Variants in TENM3 observed in about 807,000 individuals in gnomAD.
TENM3 encodes teneurin-3.
A neutral mutation model predicts 255.1 loss-of-function variants in TENM3; 63 were observed. The observed-to-expected ratio is 0.25, with a 90% CI of 0.20 to 0.30. TENM3 has a LOEUF of 0.30. Ranked by LOEUF, TENM3 falls within the 10% of genes least tolerant of loss-of-function variation. The pLI, the probability that TENM3 is intolerant of heterozygous loss-of-function variation, is 1.00. For synonymous variants in TENM3, 1,306 were observed against 1,322.3 expected (o/e 0.99, Z 0.27); for missense variants, 2,929 against 3,461.1 (o/e 0.85, Z 3.86).
At chr4:182,562,721 A>G (rs1249514204) in intron 3 of TENM3, among the ~76,000 whole-genome samples, 1 of 152,014 alleles carries the variant, frequency 6.6e-6, no homozygotes, top group Admixed American at 6.6e-5. Context: ...ACCCTGATTC[A>G]TCTTTTGTTT....
chr4:182,241,821 C>A (rs145611593), upstream of TENM3, among the ~76,000 whole-genome samples: 98 of 152,076 alleles, frequency 6.4e-4, 2 homozygotes, highest in African/African-American at 2.2e-3. Flanking sequence ...TTTTCCCTTT[C>A]TTTTTCCAGA....
chr4:181,728,450 G>C, the TENM3 span, among the ~76,000 whole-genome samples: 2 of 152,164 alleles, frequency 1.3e-5, no homozygotes, highest in Non-Finnish European at 2.9e-5. Context: ...AATTATTCAT[G>C]AGTTTTCTGG....
chr4:181,559,994 T>C, the TENM3 span, among the ~76,000 whole-genome samples: 3 of 152,264 alleles, frequency 2.0e-5, no homozygotes, highest in African/African-American at 7.2e-5. Context: ...CTTCATTTTT[T>C]AGAATAACAA....
rs1446346027 is a variant in TENM3 at position 182,497,878 on chromosome 4, A to ATATATATATG, written c.512-103041_512-103040insATATGTATAT. ...TATATATATATATATATATATATAT[A>ATATATATATG]TATATCTCAACCTAGATGTATATAG... On this transcript the variant is annotated intron_variant, in intron 3 of 27. Transcript: ENST00000511685. 5.5e-3 allele frequency among the ~76,000 whole-genome samples: 790 copies of ATATATATATG among 142,916 alleles called. 1 individual carries two copies. Among genetic ancestry groups the ATATATATATG allele is most frequent in the African/African-American group, 9.1e-3 (338 of 37,166 alleles). The allele number at this position is 142,916 out of a possible 152,430, so 93.8% of individuals were successfully genotyped here.
chr4:182,012,074 C>G, the TENM3 span, among the ~76,000 whole-genome samples: 1 of 152,280 alleles, frequency 6.6e-6, no homozygotes, highest in Non-Finnish European at 1.5e-5. Flanking sequence ...CAGTCCCCAG[C>G]CTTCATGTCA....
the TENM3 span, among the ~76,000 whole-genome samples, chr4:181,957,097 G>C: frequency 6.6e-6 from 1 of 152,166 alleles, no homozygotes; most frequent in Non-Finnish European, 1.5e-5. Flanking sequence ...TGTGTCATCT[G>C]ACACGGCAGG....
upstream of TENM3, among the ~76,000 whole-genome samples, chr4:182,140,764 G>A (rs558520734): frequency 5.9e-5 from 9 of 152,274 alleles, no homozygotes; most frequent in South Asian, 1.9e-3. Context: ...AGGACAGGAG[G>A]AGAAAACGGA....
chr4:182,223,331 G>T (rs1216653403), intron 1 of TENM3, among the ~76,000 whole-genome samples: 1 of 152,004 alleles, frequency 6.6e-6, no homozygotes, highest in Admixed American at 6.6e-5. Context: ...ATCAGTACTG[G>T]ATTTCATATA....
the TENM3 span, among the ~76,000 whole-genome samples, chr4:181,648,426 T>C: frequency 1.4e-4 from 22 of 152,284 alleles, 1 homozygote; most frequent in Middle Eastern, 3.4e-3. Flanking sequence ...TTTAATAAAG[T>C]TCAAATACCA....
intron 1 of TENM3, among the ~76,000 whole-genome samples, chr4:182,195,023 T>TCTCACA (rs1225226609): frequency 2.0e-5 from 3 of 146,976 alleles, no homozygotes; most frequent in African/African-American, 7.6e-5. Context: ...ACAGTCTCTA[T>TCTCACA]CACACACACA....
rs34862697 is a variant in TENM3 at position 182,315,407 on chromosome 4, GT to G, written c.-75-8529del. Among the ~76,000 whole-genome samples, 171 of 148,068 alleles carry G rather than the reference GT, an allele frequency of 1.2e-3. 1 individual carries two copies. Among genetic ancestry groups the G allele is most frequent in the African/African-American group, 3.6e-3 (144 of 40,476 alleles). ...TTTTCATGGGATATAAAATTCTAGG[GT>G]TTTTTTTTTCTTTCAGTACTTTAAA... On this transcript the variant is annotated intron_variant, in intron 1 of 27. Transcript: ENST00000511685.
At chr4:181,968,603 A>G in the TENM3 span, among the ~76,000 whole-genome samples, 2 of 152,222 alleles carry the variant, frequency 1.3e-5, no homozygotes, top group Admixed American at 1.3e-4. Flanking sequence ...GAGAATACAG[A>G]AAATGTTTTA....
intron 11 of TENM3, 81 bp from the exon 12 acceptor site, chr4:182,688,085 A>G: frequency 7.7e-7 from 1 of 1,295,118 alleles, no homozygotes; most frequent in Non-Finnish European, 1.1e-6. Context: ...ATTTGTGTGG[A>G]AGATAAAAGC....
At chr4:181,832,715 G>A in the TENM3 span, among the ~76,000 whole-genome samples, 2 of 152,326 alleles carry the variant, frequency 1.3e-5, no homozygotes, top group African/African-American at 2.4e-5. Context: ...GGATCCTGAC[G>A]AGTCACTCGC....
At chr4:181,798,018 ATTAT>A in the TENM3 span, among the ~76,000 whole-genome samples, 5 of 152,124 alleles carry the variant, frequency 3.3e-5, 1 homozygote, top group South Asian at 4.2e-4. Flanking sequence ...ATCTTTTATC[ATTAT>A]TTATTCTCTT....
chr4:181,849,221 A>C, the TENM3 span, among the ~76,000 whole-genome samples: 7 of 152,234 alleles, frequency 4.6e-5, no homozygotes, highest in Non-Finnish European at 1.0e-4. Flanking sequence ...TGGAAAAGAC[A>C]TTAGTATAAC....
In TENM3 at chr4:182,193,978, G is replaced by A. The variant is rs540213528; in HGVS notation, c.-76+49224G>A. Reference sequence around the variant, plus strand: ...GTTTATAAATACTGCATCAAATGGCGTCCACAACTTCATGGCCTACGTTAA... The same window carrying A: ...GTTTATAAATACTGCATCAAATGGCATCCACAACTTCATGGCCTACGTTAA... On this transcript the variant is annotated intron_variant, in intron 1 of 2. Transcript: ENST00000512480. Among the ~76,000 whole-genome samples the A allele has an allele frequency of 3.9e-5, 6 of 152,176 alleles. No individual in the cohort carries two copies. In the East Asian group the frequency reaches 5.8e-4, roughly 15 times the overall value.
chr4:181,903,634 G>T, the TENM3 span, among the ~76,000 whole-genome samples: 1 of 152,178 alleles, frequency 6.6e-6, no homozygotes, highest in Non-Finnish European at 1.5e-5. Context: ...GTAAAGTGCA[G>T]GACTTGCAAA....
the TENM3 span, among the ~76,000 whole-genome samples, chr4:181,634,223 G>T: frequency 6.6e-6 from 1 of 152,088 alleles, no homozygotes; most frequent in Non-Finnish European, 1.5e-5. Context: ...GCCTTATGGG[G>T]CTGTAAACAT....
Sources: allele counts gnomAD v4.1 joint callset (sites outside exome capture counted in the v4.1 genomes callset), GRCh38; gene constraint gnomAD v4.1.1; transcripts MANE v1.5; gene names NCBI Gene and HGNC (gene_info 2026-07-23, HGNC 2026-07-21).